Variants in CAMKMT observed in about 807,000 individuals in gnomAD.
CAMKMT encodes calmodulin-lysine N-methyltransferase.
In CAMKMT, 53 loss-of-function variants were observed where a neutral mutation model predicts 48.0. The ratio of observed to expected loss-of-function variants is 1.10; its 90% CI spans 0.89 to 1.39. The LOEUF (loss-of-function observed/expected upper bound fraction) is 1.39, where lower values mean the gene tolerates loss of function less well. Among genes scored for constraint, CAMKMT ranks in the 40% most tolerant of loss-of-function variants. The pLI is 0.00. For synonymous variants in CAMKMT, 165 were observed against 152.3 expected (o/e 1.08, Z -0.61); for missense variants, 428 against 402.7 (o/e 1.06, Z -0.54).
chr2:44,758,518 C>G (rs1680475685), intron 9 of CAMKMT, among the ~76,000 whole-genome samples: 1 of 152,182 alleles, frequency 6.6e-6, no homozygotes, highest in African/African-American at 2.4e-5. Context: ...TCTAAAGAAA[C>G]TGTAAAGATA....
rs150210903 is a variant in CAMKMT, at chr2:44,464,920, A to G, written c.376+74615A>G. On this transcript the variant is annotated intron_variant, in intron 3 of 10. Coordinates refer to ENST00000378494, the MANE Select transcript of CAMKMT (RefSeq NM_024766.5). ...AAAGCTCTCTAGTGAAGGAAAATAT[A>G]TAGATAAATACAGAATCCTATAATC... is the stretch of plus-strand genomic sequence containing the variant. Among the ~76,000 whole-genome samples, 63 of 152,330 alleles carry G rather than the reference A, an allele frequency of 4.1e-4. No homozygotes were observed. In the East Asian group the frequency reaches 7.1e-3, roughly 17 times the overall value.
intron 3 of CAMKMT, among the ~76,000 whole-genome samples, chr2:44,471,774 C>T (rs963472395): frequency 2.0e-5 from 3 of 151,942 alleles, no homozygotes; most frequent in Non-Finnish European, 2.9e-5. Flanking sequence ...CTCCACCTCC[C>T]GGTTCAAGTA....
intron 3 of CAMKMT, among the ~76,000 whole-genome samples, chr2:44,497,057 C>G (rs1026727206): frequency 1.3e-5 from 2 of 152,086 alleles, no homozygotes; most frequent in African/African-American, 4.8e-5. Context: ...TTCATAGCTA[C>G]AGTATGTTAG....
At chr2:44,638,223 A>G (rs1349486935) in intron 3 of CAMKMT, among the ~76,000 whole-genome samples, 2 of 152,136 alleles carry the variant, frequency 1.3e-5, no homozygotes, top group Non-Finnish European at 2.9e-5. Flanking sequence ...TTTGGCAACT[A>G]TTTCTCTTGT....
intron 3 of CAMKMT, among the ~76,000 whole-genome samples, chr2:44,488,171 A>G (rs145149876): frequency 3.4e-4 from 52 of 152,302 alleles, no homozygotes; most frequent in African/African-American, 1.1e-3. Context: ...GGGATATGAA[A>G]TGTGTAAGTT....
intron 3 of CAMKMT, among the ~76,000 whole-genome samples, chr2:44,439,217 T>C (rs926084831): frequency 3.3e-5 from 5 of 152,178 alleles, no homozygotes; most frequent in Admixed American, 6.5e-5. Context: ...AGAACTCTCA[T>C]TGGGACACAG....
Position 44,383,645 on chromosome 2 carries a change from G to T in CAMKMT, c.312-6596G>T, listed in dbSNP as rs957294420. On this transcript the variant is annotated intron_variant, in intron 2 of 10. Transcript: ENST00000378494. Reference sequence around the variant, plus strand: ...CCTTGTACCCCTCCCACTCTTCCCCGCAAGTCCCCAAAGTCCATTGTATCA... The same window carrying T: ...CCTTGTACCCCTCCCACTCTTCCCCTCAAGTCCCCAAAGTCCATTGTATCA... Among the ~76,000 whole-genome samples, 5 of 151,922 alleles carry T rather than the reference G, an allele frequency of 3.3e-5. No homozygotes were observed. The East Asian group carries it at 7.7e-4, about 23-fold the overall frequency.
chr2:44,512,761 A>T (rs1162852978), intron 3 of CAMKMT, among the ~76,000 whole-genome samples: 2 of 152,206 alleles, frequency 1.3e-5, no homozygotes, highest in Non-Finnish European at 2.9e-5. Context: ...GCTTCATTAT[A>T]CTTGCTTAAA....
At chr2:44,449,972 G>A (rs569515019) in intron 3 of CAMKMT, among the ~76,000 whole-genome samples, 16 of 152,206 alleles carry the variant, frequency 1.1e-4, no homozygotes, top group African/African-American at 1.4e-4. Context: ...GTTAAGTAGC[G>A]AAATCCATGA....
At chr2:44,542,523 ACACACACACACACACTCT>A (rs1220006722) in intron 3 of CAMKMT, among the ~76,000 whole-genome samples, 4 of 102,240 alleles carry the variant, frequency 3.9e-5, no homozygotes, top group Admixed American at 1.2e-4. Context: ...ACACACACAC[ACACACACACACACACTCT>A]CTCTCTCTCT....
At chr2:44,769,737 G>C (rs1031475208) in intron 10 of CAMKMT, among the ~76,000 whole-genome samples, 6 of 152,014 alleles carry the variant, frequency 3.9e-5, no homozygotes, top group Non-Finnish European at 7.4e-5. Flanking sequence ...GGCTTGGGCT[G>C]GGCTGTGAAG....
chr2:44,474,931 C>T, intron 3 of CAMKMT, among the ~76,000 whole-genome samples: 1 of 152,158 alleles, frequency 6.6e-6, no homozygotes, highest in East Asian at 1.9e-4. Context: ...ATATTTATGA[C>T]ATTCATCGTG....
chr2:44,381,843 A>G (rs1085495), intron 2 of CAMKMT, among the ~76,000 whole-genome samples: 90,201 of 151,888 alleles, frequency 0.59, 29,093 homozygotes, highest in South Asian at 0.79. Context: ...GATTATGAGC[A>G]GTTTTTTCTT....
intron 3 of CAMKMT, among the ~76,000 whole-genome samples, chr2:44,391,341 A>G (rs945284545): frequency 6.6e-6 from 1 of 152,176 alleles, no homozygotes; most frequent in African/African-American, 2.4e-5. Context: ...TTTTTTATGG[A>G]TAGTGACTGA....
intron 3 of CAMKMT, among the ~76,000 whole-genome samples, chr2:44,593,813 G>C (rs1670472259): frequency 6.7e-6 from 1 of 148,676 alleles, no homozygotes; most frequent in African/African-American, 2.5e-5. Context: ...GCCCAGGCTG[G>C]AGTGCAATGG....
chr2:44,765,549 T>C (rs1680806193), intron 9 of CAMKMT, among the ~76,000 whole-genome samples: 1 of 150,372 alleles, frequency 6.7e-6, no homozygotes, highest in Non-Finnish European at 1.5e-5. Flanking sequence ...AAAAAGGAGA[T>C]TCTGAAGTTT....
intron 3 of CAMKMT, among the ~76,000 whole-genome samples, chr2:44,557,725 T>G (rs1668091052): frequency 6.6e-6 from 1 of 152,258 alleles, no homozygotes; most frequent in Non-Finnish European, 1.5e-5. Flanking sequence ...TCCATTTTCT[T>G]GTTACCGGGA....
At chr2:44,493,188 C>T (rs1285313678) in intron 3 of CAMKMT, among the ~76,000 whole-genome samples, 1 of 152,116 alleles carries the variant, frequency 6.6e-6, no homozygotes, top group Non-Finnish European at 1.5e-5. Context: ...AGCCACTGCA[C>T]CTGGCCTTAA....
chr2:44,607,382 T>C (rs1671344980), intron 3 of CAMKMT, among the ~76,000 whole-genome samples: 1 of 152,214 alleles, frequency 6.6e-6, no homozygotes, highest in African/African-American at 2.4e-5. Context: ...TATATGAATG[T>C]CTAAAAAGTA....
Sources: allele counts gnomAD v4.1 joint callset (sites outside exome capture counted in the v4.1 genomes callset), GRCh38; gene constraint gnomAD v4.1.1; transcripts MANE v1.5; gene names NCBI Gene and HGNC (gene_info 2026-07-23, HGNC 2026-07-21).